The following TLL1 variants were observed in gnomAD, a reference collection of about 807,000 sequenced individuals.
TLL1 encodes the protein tolloid-like protein 1.
Under a neutral mutation model 128.2 loss-of-function variants are expected in TLL1, and 49 were observed. The ratio of observed to expected loss-of-function variants is 0.38; its 90% CI spans 0.30 to 0.48. TLL1 has a LOEUF of 0.48. Ranked by LOEUF, TLL1 falls within the 20% of genes least tolerant of loss-of-function variation. The probability of loss-of-function intolerance (pLI) is 0.96; values close to 1 mark genes in which losing one functional copy is unlikely to be tolerated. For synonymous variants in TLL1, 454 were observed against 418.8 expected (o/e 1.08, Z -1.03); for missense variants, 1,123 against 1,242.0 (o/e 0.90, Z 1.44).
At chr4:165,928,826 C>T (rs924739633) in intron 1 of TLL1, among the ~76,000 whole-genome samples, 1 of 152,188 alleles carries the variant, frequency 6.6e-6, no homozygotes, top group Non-Finnish European at 1.5e-5. Flanking sequence ...ACTTGCGCCT[C>T]ATTGTTTATA....
chr4:166,010,200 A>AT (rs1737625859), intron 7 of TLL1, among the ~76,000 whole-genome samples: 1 of 151,430 alleles, frequency 6.6e-6, no homozygotes, highest in Admixed American at 6.6e-5. Context: ...TATATATCAC[A>AT]TTTTGTTTAT....
intron 14 of TLL1, among the ~76,000 whole-genome samples, chr4:166,058,317 A>G (rs1579686704): frequency 1.3e-5 from 2 of 152,002 alleles, no homozygotes; most frequent in Admixed American, 1.3e-4. Context: ...CTTTTTCTTA[A>G]TATAGTCTTT....
chr4:165,972,658 T>C (rs879864196), intron 1 of TLL1, among the ~76,000 whole-genome samples: 4 of 152,164 alleles, frequency 2.6e-5, no homozygotes, highest in African/African-American at 7.2e-5. Flanking sequence ...TCTCTAAGGG[T>C]CAGTGTTCCT....
At chr4:166,003,180 A>G (rs1004522261) in intron 5 of TLL1, among the ~76,000 whole-genome samples, 4 of 152,206 alleles carry the variant, frequency 2.6e-5, no homozygotes, top group African/African-American at 9.6e-5. Context: ...GATAATTACA[A>G]AAGCACTTGA....
intron 13 of TLL1, 56 bp downstream of exon 13, chr4:166,055,327 G>C (rs1461993202): frequency 6.7e-6 from 10 of 1,494,362 alleles, no homozygotes; most frequent in Non-Finnish European, 9.3e-6. Context: ...TACTTGTAGT[G>C]TTTAGCTTTG....
chr4:165,976,420 G>A (rs1486743742), intron 1 of TLL1, among the ~76,000 whole-genome samples: 1 of 152,138 alleles, frequency 6.6e-6, no homozygotes, highest in African/African-American at 2.4e-5. Flanking sequence ...TTCCCTTTAT[G>A]GGAAGATGTA....
chr4:166,096,279 G>A (rs1252160420), intron 19 of TLL1, among the ~76,000 whole-genome samples: 1 of 151,598 alleles, frequency 6.6e-6, no homozygotes, highest in Non-Finnish European at 1.5e-5. Flanking sequence ...TTATTAGTTT[G>A]AGCGGTGATC....
intron 8 of TLL1, among the ~76,000 whole-genome samples, chr4:166,015,841 A>G (rs1390629604): frequency 1.3e-5 from 2 of 148,700 alleles, no homozygotes; most frequent in African/African-American, 4.9e-5. Flanking sequence ...TGCTAAGGAA[A>G]ATTGTAAGAA....
chr4:165,920,317 G>A (rs565752134), intron 1 of TLL1, among the ~76,000 whole-genome samples: 10 of 152,288 alleles, frequency 6.6e-5, no homozygotes, highest in African/African-American at 2.4e-4. Context: ...TGTGGGCAAA[G>A]GTGAAACATT....
At chr4:165,927,184 A>G (rs1733313040) in intron 1 of TLL1, among the ~76,000 whole-genome samples, 3 of 152,184 alleles carry the variant, frequency 2.0e-5, no homozygotes. Flanking sequence ...AAAACAATAG[A>G]TAGTTTTTGG....
At chr4:166,094,978 T>G (rs764817535) in intron 19 of TLL1, among the ~76,000 whole-genome samples, 3 of 152,120 alleles carry the variant, frequency 2.0e-5, no homozygotes, top group Non-Finnish European at 2.9e-5. Context: ...GATTTTCAAT[T>G]TATCTTTCAA....
intron 1 of TLL1, among the ~76,000 whole-genome samples, chr4:165,961,069 C>T (rs1389023588): frequency 2.0e-5 from 3 of 152,026 alleles, no homozygotes; most frequent in Admixed American, 6.6e-5. Flanking sequence ...ACCTAGAAGA[C>T]CCTAAAGATC....
intron 1 of TLL1, among the ~76,000 whole-genome samples, chr4:165,959,679 A>T (rs1034169707): frequency 1.3e-5 from 2 of 152,164 alleles, no homozygotes; most frequent in Non-Finnish European, 2.9e-5. Context: ...AGAAACAAAT[A>T]ACAGGAGTAT....
intron 5 of TLL1, among the ~76,000 whole-genome samples, chr4:165,995,622 T>C (rs1736841204): frequency 6.6e-6 from 1 of 152,240 alleles, no homozygotes; most frequent in Non-Finnish European, 1.5e-5. Flanking sequence ...AACCTAGATA[T>C]TTTTGGATAG....
chr4:165,956,864 T>A (rs1355243410), intron 1 of TLL1, among the ~76,000 whole-genome samples: 1 of 152,090 alleles, frequency 6.6e-6, no homozygotes, highest in Non-Finnish European at 1.5e-5. Context: ...TCCCTCTGTT[T>A]GGGGTCCCTG....
chr4:165,947,562 C>G (rs1161959406), intron 1 of TLL1, among the ~76,000 whole-genome samples: 1 of 152,038 alleles, frequency 6.6e-6, no homozygotes, highest in African/African-American at 2.4e-5. Context: ...TCACTGTCAG[C>G]AAAGAATGCA....
intron 1 of TLL1, among the ~76,000 whole-genome samples, chr4:165,947,515 T>C (rs1734314099): frequency 6.6e-6 from 1 of 151,884 alleles, no homozygotes; most frequent in Non-Finnish European, 1.5e-5. Context: ...TTTTAGAAAT[T>C]TTCACTTTAC....
At chr4:165,920,041 A>G (rs1353783516) in intron 1 of TLL1, 1 of 235,444 alleles carries the variant, frequency 4.2e-6, no homozygotes, top group Non-Finnish European at 8.8e-6. Context: ...TTATGTCAGC[A>G]TCATACCCCA....
chr4:166,068,270 T>A (rs1377830976), intron 16 of TLL1, among the ~76,000 whole-genome samples: 1 of 151,774 alleles, frequency 6.6e-6, no homozygotes, highest in Non-Finnish European at 1.5e-5. Context: ...TATCAAGAGA[T>A]GGCAGAAAAT....
Sources: gnomAD v4.1 joint callset for allele counts (sites outside exome capture counted in the v4.1 genomes callset) on GRCh38, gnomAD v4.1.1 for gene constraint, MANE v1.5 for transcripts, NCBI Gene and HGNC (gene_info 2026-07-23, HGNC 2026-07-21) for gene names.